Variants in CDCA2 observed in about 807,000 individuals in gnomAD.
CDCA2 encodes the protein cell division cycle associated 2, also known as cell division cycle-associated protein 2.
Under a neutral mutation model 67.0 loss-of-function variants are expected in CDCA2, and 44 were observed. That is an observed-to-expected ratio of 0.66 (90% CI 0.52 to 0.84). The LOEUF (loss-of-function observed/expected upper bound fraction) is 0.84, where lower values mean the gene tolerates loss of function less well. CDCA2 is among the 40% of genes least tolerant of loss of function. The pLI is 0.00. For missense variants in CDCA2, 1,253 were observed against 1,203.2 expected (o/e 1.04, Z -0.61); for synonymous variants, 447 against 418.7 (o/e 1.07, Z -0.82).
At chr8:25,470,721 C>G (rs1339899884) in intron 7 of CDCA2, among the ~76,000 whole-genome samples, 1 of 151,870 alleles carries the variant, frequency 6.6e-6, no homozygotes, top group Non-Finnish European at 1.5e-5. Flanking sequence ...ATAAGCCTCA[C>G]AAGATGTTGT....
At chr8:25,481,738 G>A (rs1299229144) in intron 8 of CDCA2, among the ~76,000 whole-genome samples, 1 of 152,116 alleles carries the variant, frequency 6.6e-6, no homozygotes, top group Non-Finnish European at 1.5e-5. Context: ...TTTATACTAA[G>A]ATGGCAAAAA....
intron 4 of CDCA2, among the ~76,000 whole-genome samples, chr8:25,464,896 C>G (rs1169414775): frequency 4.6e-5 from 7 of 152,102 alleles, no homozygotes; most frequent in Non-Finnish European, 1.5e-5. Flanking sequence ...TTATATTTAA[C>G]TGGGAAGAGA....
intron 7 of CDCA2, among the ~76,000 whole-genome samples, chr8:25,478,889 T>TATATATATATATAC (rs1491447779): frequency 2.8e-5 from 3 of 107,906 alleles, no homozygotes; most frequent in African/African-American, 1.6e-4. Context: ...TGTGTGTGTG[T>TATATATATATATAC]ATATATATAT....
chr8:25,466,868 C>A (rs1241503366), intron 5 of CDCA2, among the ~76,000 whole-genome samples: 1 of 151,644 alleles, frequency 6.6e-6, no homozygotes, highest in African/African-American at 2.4e-5. Context: ...CATGGTGAAA[C>A]CCTGTCTCTA....
At position 25,484,338 on chromosome 8, in the gene CDCA2, A is replaced by C. The variant is rs373880999; in HGVS notation, c.1365+128A>C. The stretch of plus-strand genomic sequence containing the variant: ...AAATGATATGCCATGGTTTAAATTA[A>C]TCTATTTTGTATGTAGGTTTTTATG... On this transcript the variant is annotated intron_variant, in intron 10 of 14. Coordinates refer to ENST00000330560, the MANE Select transcript of CDCA2 (RefSeq NM_152562.4). 89 of 1,291,546 alleles carry C rather than the reference A, an allele frequency of 6.9e-5. 1 individual carries two copies. In the East Asian group the frequency reaches 1.5e-3, roughly 21 times the overall value. 80.0% of individuals were successfully genotyped at this position (1,291,546 alleles called of 1,614,324 possible).
At chr8:25,491,544 A>C (rs947634155) in intron 13 of CDCA2, among the ~76,000 whole-genome samples, 1 of 151,894 alleles carries the variant, frequency 6.6e-6, no homozygotes, top group Non-Finnish European at 1.5e-5. Flanking sequence ...GAAAATTTCA[A>C]CCGAGTATTC....
chr8:25,467,219 T>TA (rs1802950721), intron 5 of CDCA2, among the ~76,000 whole-genome samples: 2 of 152,102 alleles, frequency 1.3e-5, no homozygotes, highest in African/African-American at 4.8e-5. Context: ...ATCTTGGTCT[T>TA]ACTGTAATCA....
rs1804747505 is a variant in CDCA2, at chr8:25,507,801, T to C, written c.*63T>C. On this transcript the variant is annotated 3_prime_UTR_variant, in exon 15 of 15. Coordinates refer to ENST00000330560, the MANE Select transcript of CDCA2 (RefSeq NM_152562.4). ...TAACCATCTATGCTGAAATGATCTG[T>C]CTAGTTCCCATTCTCTGTTCAACCT... 6 of 1,489,320 alleles carry C rather than the reference T, an allele frequency of 4.0e-6. No individual in the cohort carries two copies. The African/African-American group carries it at 7.0e-5, about 17-fold the overall frequency. 92.3% of individuals were successfully genotyped at this position (1,489,320 alleles called of 1,614,324 possible).
At position 25,484,126 on chromosome 8, in the gene CDCA2, T is replaced by C. The variant is rs148237500; in HGVS notation, c.1281T>C (p.Ser427=). 3 of 1,614,214 alleles carry C rather than the reference T, an allele frequency of 1.9e-6. No homozygotes were observed. The African/African-American group carries it at 4.0e-5, about 22-fold the overall frequency. The change falls in exon 10 of 15, where the codon AGT becomes AGC. Residue 427 remains serine (S), a synonymous_variant. Coordinates refer to ENST00000330560, the MANE Select transcript of CDCA2 (RefSeq NM_152562.4). ...GGTPVCKKDF[S]GLSSLLLEQS... Reference sequence around the variant, plus strand: ...CACCTGTTTGTAAAAAAGACTTCAGTGGTCTCAGTTCCCTGCTGCTTGAGC... The same window carrying C: ...CACCTGTTTGTAAAAAAGACTTCAGCGGTCTCAGTTCCCTGCTGCTTGAGC...
chr8:25,504,182 A>C (rs186245929), intron 14 of CDCA2, among the ~76,000 whole-genome samples: 3 of 152,332 alleles, frequency 2.0e-5, no homozygotes, highest in African/African-American at 4.8e-5. Flanking sequence ...TTATTTTATT[A>C]TCAAGTCAGT....
chr8:25,474,144 T>A (rs759215426), intron 7 of CDCA2, among the ~76,000 whole-genome samples: 1 of 152,246 alleles, frequency 6.6e-6, no homozygotes, highest in Non-Finnish European at 1.5e-5. Flanking sequence ...GGGATAAATC[T>A]AATTTGATCA....
At chr8:25,504,378 G>A (rs1804595042) in intron 14 of CDCA2, among the ~76,000 whole-genome samples, 1 of 150,872 alleles carries the variant, frequency 6.6e-6, no homozygotes, top group Non-Finnish European at 1.5e-5. Flanking sequence ...CAATCTTCCT[G>A]CCTCAGCCTC....
At chr8:25,470,675 T>G (rs1222690871) in intron 7 of CDCA2, among the ~76,000 whole-genome samples, 3 of 152,208 alleles carry the variant, frequency 2.0e-5, no homozygotes, top group African/African-American at 2.4e-5. Context: ...CAGCCATGGC[T>G]TTTATGATCC....
rs1435576226 is a variant in CDCA2, at chr8:25,475,461, G to A, written c.821-4452G>A. On this transcript the variant is annotated intron_variant, in intron 7 of 14. Coordinates refer to ENST00000330560, the MANE Select transcript of CDCA2 (RefSeq NM_152562.4). ...TTGAACCCAGGAGGCGGAGGTTGCA[G>A]TGAGCCGAGATTGCACCACTGCACT... 2.6e-5 allele frequency among the ~76,000 whole-genome samples: 4 copies of A among 152,336 alleles called. No individual in the cohort carries two copies. In the East Asian group the frequency reaches 7.7e-4, roughly 29 times the overall value.
intron 12 of CDCA2, 24 bp downstream of exon 12, chr8:25,487,358 C>T (rs762529313): frequency 5.6e-5 from 81 of 1,454,910 alleles, no homozygotes; most frequent in Middle Eastern, 1.7e-4. Context: ...TTTGGCACAA[C>T]GTATTTGTTT....
Position 25,506,587 on chromosome 8 carries a change from C to T in CDCA2, c.1921C>T (p.His641Tyr), listed in dbSNP as rs1385401774. 8.1e-6 allele frequency: 13 copies of T among 1,605,616 alleles called. No homozygotes were observed. Among genetic ancestry groups the T allele is most frequent in the Non-Finnish European group, 1.1e-5 (13 of 1,178,054 alleles). The change falls in exon 15 of 15, where the codon CAT (histidine) becomes TAT (tyrosine). Residue 641 changes from histidine to tyrosine, a missense_variant. Physicochemically the swap from His to Tyr is moderately conservative, Grantham distance 83. Transcript: ENST00000330560. The part of the protein sequence containing the change: ...NPVKRKDLLR[H>Y]DPDLHMHQGY... ...AGTGAAAAGAAAGGATCTTTTGCGT[C>T]ATGACCCAGATTTGCATATGCATCA... is the stretch of plus-strand genomic sequence containing the variant.
At chr8:25,463,741 G>A (rs1233371691) in intron 4 of CDCA2, among the ~76,000 whole-genome samples, 2 of 152,108 alleles carry the variant, frequency 1.3e-5, no homozygotes, top group Non-Finnish European at 1.5e-5. Context: ...TCATTCACCC[G>A]GCTGCTCAGA....
chr8:25,466,071 G>A, intron 4 of CDCA2, 104 bp from the exon 5 acceptor site: 1 of 999,056 alleles, frequency 1.0e-6, no homozygotes. Context: ...TCTTCAAAAA[G>A]CATATGTGTA....
chr8:25,478,826 G>A (rs1195035743), intron 7 of CDCA2, among the ~76,000 whole-genome samples: 2 of 150,062 alleles, frequency 1.3e-5, no homozygotes, highest in African/African-American at 2.5e-5. Context: ...TTATCATACT[G>A]TATTCCTCTC....
Sources: gnomAD v4.1 joint callset for allele counts (sites outside exome capture counted in the v4.1 genomes callset) on GRCh38, gnomAD v4.1.1 for gene constraint, MANE v1.5 for transcripts, NCBI Gene and HGNC (gene_info 2026-07-23, HGNC 2026-07-21) for gene names.